The following SLC5A8 variants were observed in gnomAD, a reference collection of about 807,000 sequenced individuals.
SLC5A8 encodes solute carrier family 5 member 8.
In SLC5A8, 55 loss-of-function variants were observed where a neutral mutation model predicts 71.9. The ratio of observed to expected loss-of-function variants is 0.77; its 90% CI spans 0.62 to 0.96. SLC5A8 has a LOEUF of 0.96. Among genes scored for constraint, SLC5A8 ranks in the 40% least tolerant of loss-of-function variants. SLC5A8 has a pLI of 0.00. For synonymous variants in SLC5A8, 307 were observed against 276.1 expected (o/e 1.11, Z -1.11); for missense variants, 701 against 745.3 (o/e 0.94, Z 0.69).
chr12:101,204,667 A>G (rs577642763), intron 1 of SLC5A8, 102 bp from the exon 2 acceptor site: 213 of 721,330 alleles, frequency 3.0e-4, no homozygotes, highest in African/African-American at 2.3e-3. Flanking sequence ...CAACTTCATA[A>G]CTGATTTGTA....
rs905229379 is a variant in SLC5A8 at position 101,156,277 on chromosome 12, A to G, written c.*1002T>C. 1 of 152,230 alleles carries G rather than the reference A, an allele frequency of 6.6e-6. No homozygotes were observed. Among genetic ancestry groups the G allele is most frequent in the Non-Finnish European group, 1.5e-5 (1 of 68,038 alleles). The allele number at this position is 152,230 out of a possible 1,614,324, so 9.4% of individuals were successfully genotyped here. A position where few individuals can be genotyped will look rare whatever the true frequency, so the allele number is the denominator to read the frequency against. On this transcript the variant is annotated 3_prime_UTR_variant, in exon 15 of 15. Transcript: ENST00000536262. ...TTGACATTCAAAAGTTCAACTTAATAGCATTAAGTGTAGTCATCTAACTCC... is the reference window on the plus strand; with the variant it reads ...TTGACATTCAAAAGTTCAACTTAATGGCATTAAGTGTAGTCATCTAACTCC...
intron 5 of SLC5A8, among the ~76,000 whole-genome samples, chr12:101,191,318 T>A (rs1388953747): frequency 6.6e-6 from 1 of 152,212 alleles, no homozygotes; most frequent in Non-Finnish European, 1.5e-5. Context: ...ATTTTGTTCA[T>A]CTCTGATATA....
In SLC5A8 at chr12:101,155,540, G is replaced by A. The variant is rs2051651603; in HGVS notation, c.*1739C>T. On this transcript the variant is annotated 3_prime_UTR_variant, in exon 15 of 15. Coordinates refer to ENST00000536262, the MANE Select transcript of SLC5A8 (RefSeq NM_145913.5). Reference sequence around the variant, plus strand: ...TTCACTCTGTTACCCAGGCTGGAGTGCAGTGGTGTAATCATAGCTCAATGC... The same window carrying A: ...TTCACTCTGTTACCCAGGCTGGAGTACAGTGGTGTAATCATAGCTCAATGC... The A allele has an allele frequency of 7.2e-6, 1 of 139,590 alleles. No individual in the cohort carries two copies. 8.6% of individuals were successfully genotyped at this position (139,590 alleles called of 1,614,324 possible). A position where few individuals can be genotyped will look rare whatever the true frequency, so the allele number is the denominator to read the frequency against.
chr12:101,155,813 A>C lies in SLC5A8; in HGVS notation c.*1466T>G, dbSNP rs1373858738. On this transcript the variant is annotated 3_prime_UTR_variant, in exon 15 of 15. Transcript: ENST00000536262. ...CATGCCCAGGCTTTTTTTTTTTTTT[A>C]AATTTCTTAACATTGTCAGTTAGCA... 1.1e-5 allele frequency: 1 copy of C among 90,324 alleles called. No homozygotes were observed. The highest frequency in any genetic ancestry group is 3.6e-5 in the African/African-American group (1 of 27,402). 5.6% of individuals were successfully genotyped at this position (90,324 alleles called of 1,614,324 possible).
At chr12:101,192,186 G>A (rs1868943032) in intron 5 of SLC5A8, among the ~76,000 whole-genome samples, 1 of 152,142 alleles carries the variant, frequency 6.6e-6, no homozygotes, top group African/African-American at 2.4e-5. Context: ...CTGGCCAAGG[G>A]GTGGAACCAA....
At chr12:101,158,588 CTCTCTCTCTCTATATATATATATA>C (rs1362949409) in intron 13 of SLC5A8, among the ~76,000 whole-genome samples, 11 of 38,074 alleles carry the variant, frequency 2.9e-4, no homozygotes, top group Admixed American at 7.6e-4. Context: ...CTCTCTCTCT[CTCTCTCTCTCTATATATATATATA>C]TATATATATA....
intron 6 of SLC5A8, 35 bp from the exon 7 acceptor site, chr12:101,187,550 T>C (rs752405929): frequency 4.4e-6 from 7 of 1,582,518 alleles, no homozygotes; most frequent in Non-Finnish European, 1.7e-6. Flanking sequence ...AAAAGACAAC[T>C]GTAATTTCTG....
At chr12:101,206,284 G>T (rs1227229815) in intron 1 of SLC5A8, among the ~76,000 whole-genome samples, 1 of 152,174 alleles carries the variant, frequency 6.6e-6, no homozygotes, top group Non-Finnish European at 1.5e-5. Context: ...TATTAAGTCT[G>T]GGAACAAGGC....
chr12:101,166,585 C>T lies in SLC5A8; in HGVS notation c.1435G>A (p.Gly479Ser), dbSNP rs755694427. Reference protein sequence around the residue: ...RTLPLHLDIQGCNSTYNETNL... With the variant: ...RTLPLHLDIQSCNSTYNETNL... ...GTCTCATTGTAGGTGCTGTTACAGCCTTGGATATCAAGGTGCAATGGCAAT... is the reference window on the plus strand; with the variant it reads ...GTCTCATTGTAGGTGCTGTTACAGCTTTGGATATCAAGGTGCAATGGCAAT... The change falls in exon 12 of 15, where the codon GGC (glycine) becomes AGC (serine). Residue 479 changes from glycine to serine, a missense_variant. Gly to Ser is a moderately conservative substitution (Grantham distance 56). Coordinates refer to ENST00000536262, the MANE Select transcript of SLC5A8 (RefSeq NM_145913.5). The T allele has an allele frequency of 1.2e-5, 20 of 1,613,834 alleles. No individual in the cohort carries two copies. Among genetic ancestry groups the T allele is most frequent in the Non-Finnish European group, 1.7e-5 (20 of 1,179,960 alleles).
chr12:101,162,266 T>C (rs1370679809), intron 12 of SLC5A8, among the ~76,000 whole-genome samples, 189 bp from the exon 13 acceptor site: 1 of 152,214 alleles, frequency 6.6e-6, no homozygotes, highest in Non-Finnish European at 1.5e-5. Context: ...GACTATATAC[T>C]AAAATACTTG....
At chr12:101,174,430 G>C (rs763546306) in intron 10 of SLC5A8, among the ~76,000 whole-genome samples, 2 of 152,198 alleles carry the variant, frequency 1.3e-5, no homozygotes, top group African/African-American at 2.4e-5. Flanking sequence ...ACTGACCAGA[G>C]AGTCTTCATC....
At chr12:101,195,421 T>C (rs1327633543) in intron 3 of SLC5A8, among the ~76,000 whole-genome samples, 1 of 152,174 alleles carries the variant, frequency 6.6e-6, no homozygotes, top group Non-Finnish European at 1.5e-5. Flanking sequence ...GCGTTTATAT[T>C]GTAATTAAGC....
At chr12:101,202,804 TAGTG>T (rs1265054232) in intron 2 of SLC5A8, among the ~76,000 whole-genome samples, 1 of 152,170 alleles carries the variant, frequency 6.6e-6, no homozygotes, top group African/African-American at 2.4e-5. Context: ...TGGGGTACAG[TAGTG>T]AGTAAGATAA....
chr12:101,170,667 C>G (rs1343531257), intron 10 of SLC5A8, among the ~76,000 whole-genome samples: 1 of 152,196 alleles, frequency 6.6e-6, no homozygotes, highest in Non-Finnish European at 1.5e-5. Flanking sequence ...CCCAACCGCT[C>G]CATTCCATCC....
At chr12:101,177,439 GTATA>G (rs76214565) in intron 10 of SLC5A8, among the ~76,000 whole-genome samples, 2 of 146,424 alleles carry the variant, frequency 1.4e-5, no homozygotes, top group East Asian at 2.0e-4. Context: ...ACCAAAGGCA[GTATA>G]TACACACACA....
chr12:101,191,691 C>G (rs982128583), intron 5 of SLC5A8, among the ~76,000 whole-genome samples: 1 of 152,208 alleles, frequency 6.6e-6, no homozygotes, highest in Non-Finnish European at 1.5e-5. Context: ...GCAGACGACA[C>G]AGAAAATACC....
Position 101,202,204 on chromosome 12 carries a change from A to G in SLC5A8, c.429T>C (p.Thr143=). Residue 143 remains threonine (T), a synonymous_variant, in exon 3 of 15, where the codon ACT becomes ACC. Transcript: ENST00000536262. ...GGGCAGGGGCATAAATAACAATTCC[A>G]GTATACAGAATCTAGGGGGGAGAAA... ...VLFIVQTILY[T]GIVIYAPALA... The G allele has an allele frequency of 6.2e-7, 1 of 1,604,090 alleles. No individual in the cohort carries two copies. Among genetic ancestry groups the G allele is most frequent in the Non-Finnish European group, 8.5e-7 (1 of 1,175,876 alleles).
intron 13 of SLC5A8, among the ~76,000 whole-genome samples, chr12:101,160,807 A>G (rs150992239): frequency 6.6e-6 from 1 of 152,228 alleles, no homozygotes; most frequent in Non-Finnish European, 1.5e-5. Context: ...AGGAAAAATA[A>G]GAGAGAAAAA....
intron 10 of SLC5A8, among the ~76,000 whole-genome samples, chr12:101,174,997 T>G (rs1348082764): frequency 6.6e-6 from 1 of 152,036 alleles, no homozygotes; most frequent in African/African-American, 2.4e-5. Flanking sequence ...GATAAAAAAT[T>G]TAAAACAGCC....
Sources: allele counts gnomAD v4.1 joint callset (sites outside exome capture counted in the v4.1 genomes callset), GRCh38; gene constraint gnomAD v4.1.1; transcripts MANE v1.5; gene names NCBI Gene and HGNC (gene_info 2026-07-23, HGNC 2026-07-21).